The following WDR72 variants were observed in gnomAD, a reference collection of about 807,000 sequenced individuals.
WDR72 encodes the protein WD repeat-containing protein 72.
WDR72 carries 120 observed loss-of-function variants against 124.2 expected under a neutral mutation model. The observed-to-expected ratio is 0.97, with a 90% CI of 0.83 to 1.12. The LOEUF is 1.12. Among genes scored for constraint, WDR72 ranks in the 50% most tolerant of loss-of-function variants. WDR72 has a pLI of 0.00. For synonymous variants in WDR72, 452 were observed against 441.7 expected (o/e 1.02, Z -0.29); for missense variants, 1,387 against 1,278.8 (o/e 1.08, Z -1.29).
chr15:53,570,345 G>C (rs1048274708), intron 18 of WDR72, among the ~76,000 whole-genome samples: 6 of 150,364 alleles, frequency 4.0e-5, no homozygotes, highest in Non-Finnish European at 8.9e-5. Context: ...CTTAGCTATA[G>C]TCACCATGCT....
intron 2 of WDR72, among the ~76,000 whole-genome samples, chr15:53,726,264 G>GTGTATATATATATATATATATATATA (rs1555428779): frequency 9.1e-5 from 10 of 110,348 alleles, no homozygotes; most frequent in African/African-American, 4.1e-4. Flanking sequence ...ATGTATGTGT[G>GTGTATATATATATATATATATATATA]TATATATATA....
chr15:53,700,061 A>C, intron 12 of WDR72, 116 bp from the exon 13 acceptor site: 1 of 1,213,302 alleles, frequency 8.2e-7, no homozygotes, highest in South Asian at 1.3e-5. Flanking sequence ...CATTTACAAA[A>C]ATGATATTTC....
At chr15:53,606,947 T>C (rs1373971545) in intron 17 of WDR72, among the ~76,000 whole-genome samples, 2 of 152,206 alleles carry the variant, frequency 1.3e-5, no homozygotes, top group African/African-American at 2.4e-5. Context: ...TTTAGTATTA[T>C]AGCATCAGCC....
rs748454326 is a variant in WDR72, at chr15:53,517,707, C to T, written c.3301G>A (p.Val1101Met). The stretch of plus-strand genomic sequence containing the variant: ...TACTGATGAGATTCCATTTAAGACA[C>T]CTTGCAGGGGCAGACCTTTGCTATC... ...SWIAKVCPCK[V>M]S is the part of the protein sequence containing the mutation. Residue 1101 changes from valine (V) to methionine (M), a missense_variant, in exon 20 of 20, where the codon GTG becomes ATG. Transcript: ENST00000360509. 2.5e-6 allele frequency: 4 copies of T among 1,612,900 alleles called. No individual in the cohort carries two copies. The highest frequency in any genetic ancestry group is 2.2e-5 in the East Asian group (1 of 44,776).
chr15:53,749,355 T>C (rs2140892737), intron 1 of WDR72, among the ~76,000 whole-genome samples: 1 of 152,244 alleles, frequency 6.6e-6, no homozygotes. Flanking sequence ...ATCGTAAATA[T>C]CACTACTGTA....
Position 53,733,096 on chromosome 15 carries a change from G to A in WDR72, c.54C>T (p.His18=), listed in dbSNP as rs1225259691. 1 of 1,613,980 alleles carries A rather than the reference G, an allele frequency of 6.2e-7. No homozygotes were observed. Among genetic ancestry groups the A allele is most frequent in the Non-Finnish European group, 8.5e-7 (1 of 1,179,984 alleles). ...CAGTGATCATGATGGCAGTGATGCT[G>A]TGGGGAGGGGCCTTCTGTCCCCAGA... The part of the protein sequence containing the change: ...VALWGQKAPP[H]SITAIMITDD... The change falls in exon 2 of 20, where the codon CAC becomes CAT. Residue 18 remains histidine (H), a synonymous_variant. Coordinates refer to ENST00000360509, the MANE Select transcript of WDR72 (RefSeq NM_182758.4).
chr15:53,701,329 C>A (rs186399422), intron 12 of WDR72, among the ~76,000 whole-genome samples: 5 of 152,146 alleles, frequency 3.3e-5, no homozygotes, highest in African/African-American at 1.2e-4. Flanking sequence ...ATTCCTTGCA[C>A]CCAGGAGTTG....
At chr15:53,570,297 T>A (rs549807249) in intron 18 of WDR72, among the ~76,000 whole-genome samples, 1 of 151,432 alleles carries the variant, frequency 6.6e-6, no homozygotes, top group East Asian at 2.0e-4. Flanking sequence ...ACTTAGAATC[T>A]AACCTCTTCA....
intron 18 of WDR72, among the ~76,000 whole-genome samples, chr15:53,568,889 C>T (rs909117622): frequency 6.6e-6 from 1 of 151,806 alleles, no homozygotes; most frequent in Admixed American, 6.6e-5. Flanking sequence ...AATTTGTTTC[C>T]TTTTGAAGTT....
rs1287832166 is a variant in WDR72, at chr15:53,516,773, A to AT, written c.*925dup. On this transcript the variant is annotated 3_prime_UTR_variant, in exon 20 of 20. Coordinates refer to ENST00000360509, the MANE Select transcript of WDR72 (RefSeq NM_182758.4). ...GATATGTAGATTAATAATTTTGATG[A>AT]TTTTCTGTAAATCGAGGAACTGTAC... 2.6e-5 allele frequency: 4 copies of AT among 152,068 alleles called. No homozygotes were observed. The highest frequency in any genetic ancestry group is 9.7e-5 in the African/African-American group (4 of 41,434). The allele number at this position is 152,068 out of a possible 1,614,324, so 9.4% of individuals were successfully genotyped here. A position where few individuals can be genotyped will look rare whatever the true frequency, so the allele number is the denominator to read the frequency against.
rs1194581412 is a variant in WDR72 at position 53,733,056 on chromosome 15, T to A, written c.94A>T (p.Ile32Phe). 3 of 1,614,078 alleles carry A rather than the reference T, an allele frequency of 1.9e-6. No individual in the cohort carries two copies. In the South Asian group the frequency reaches 3.3e-5, roughly 18 times the overall value. ...AIMITDDQRTIVTGSQEGQLC... is the reference protein window; with the variant it reads ...AIMITDDQRTFVTGSQEGQLC... Reference sequence around the variant, plus strand: ...TGACCCTCTTGACTTCCAGTCACAATCGTTCGCTGGTCATCAGTGATCATG... The same window carrying A: ...TGACCCTCTTGACTTCCAGTCACAAACGTTCGCTGGTCATCAGTGATCATG... The change falls in exon 2 of 20, where the codon ATT becomes TTT. Residue 32 changes from isoleucine to phenylalanine, a missense_variant. Ile to Phe is a conservative substitution (Grantham distance 21). Coordinates refer to ENST00000360509, the MANE Select transcript of WDR72 (RefSeq NM_182758.4).
intron 1 of WDR72, among the ~76,000 whole-genome samples, chr15:53,754,713 C>G (rs1004201740): frequency 6.6e-6 from 1 of 152,144 alleles, no homozygotes; most frequent in African/African-American, 2.4e-5. Flanking sequence ...ACAAGAAACA[C>G]TTATTTCATT....
intron 13 of WDR72, among the ~76,000 whole-genome samples, chr15:53,688,224 A>T (rs1272522900): frequency 6.7e-6 from 1 of 150,340 alleles, no homozygotes; most frequent in Admixed American, 6.6e-5. Flanking sequence ...GCAATTAGGC[A>T]GGAGAAGGAA....
chr15:53,584,264 C>A (rs2012086044), intron 18 of WDR72, among the ~76,000 whole-genome samples: 1 of 151,792 alleles, frequency 6.6e-6, no homozygotes, highest in Non-Finnish European at 1.5e-5. Flanking sequence ...TAATGACCAA[C>A]CATAAAGAAA....
intron 18 of WDR72, among the ~76,000 whole-genome samples, chr15:53,554,929 C>A (rs537428252): frequency 2.0e-5 from 3 of 152,138 alleles, no homozygotes; most frequent in African/African-American, 4.8e-5. Flanking sequence ...AATACTCCCA[C>A]CATAACTAAT....
At chr15:53,734,075 C>T (rs994675649) in intron 1 of WDR72, among the ~76,000 whole-genome samples, 1 of 152,116 alleles carries the variant, frequency 6.6e-6, no homozygotes, top group African/African-American at 2.4e-5. Flanking sequence ...TGTTGCTAAA[C>T]CACCAAAAGT....
intron 19 of WDR72, among the ~76,000 whole-genome samples, chr15:53,522,338 T>C (rs1891849629): frequency 6.6e-6 from 1 of 151,882 alleles, no homozygotes; most frequent in Admixed American, 6.6e-5. Flanking sequence ...AAAAATATGA[T>C]ACATGGATCA....
chr15:53,630,644 GA>G (rs1289368459), intron 14 of WDR72, among the ~76,000 whole-genome samples: 1 of 152,052 alleles, frequency 6.6e-6, no homozygotes, highest in Non-Finnish European at 1.5e-5. Context: ...AAAAGCATTT[GA>G]AAAAATCAAA....
At chr15:53,737,466 G>C (rs1014858494) in intron 1 of WDR72, among the ~76,000 whole-genome samples, 2 of 152,142 alleles carry the variant, frequency 1.3e-5, no homozygotes, top group Admixed American at 6.5e-5. Context: ...TGAAAATAAA[G>C]AGGTGAATAA....
Sources: gnomAD v4.1 joint callset for allele counts (sites outside exome capture counted in the v4.1 genomes callset) on GRCh38, gnomAD v4.1.1 for gene constraint, MANE v1.5 for transcripts, NCBI Gene and HGNC (gene_info 2026-07-23, HGNC 2026-07-21) for gene names.